RAB1A: variants seen among roughly 807,000 people sequenced by gnomAD.
RAB1A encodes the protein ras-related protein Rab-1A.
RAB1A carries 2 observed loss-of-function variants against 26.0 expected under a neutral mutation model. The ratio of observed to expected loss-of-function variants is 0.08; its 90% CI spans 0.03 to 0.24. The LOEUF (loss-of-function observed/expected upper bound fraction) is 0.24. Ranked by LOEUF, RAB1A falls within the 10% of genes least tolerant of loss-of-function variation. The probability of loss-of-function intolerance (pLI) is 1.00; values close to 1 mark genes in which losing one functional copy is unlikely to be tolerated. For synonymous variants in RAB1A, 84 were observed against 84.9 expected, an observed-to-expected ratio of 0.99 and a Z score of 0.06; for missense variants, 100 against 247.0, an observed-to-expected ratio of 0.40 and a Z score of 3.99.
At chr2:65,106,579 A>G (rs1669566145) in intron 1 of RAB1A, among the ~76,000 whole-genome samples, 1 of 150,166 alleles carries the variant, frequency 6.7e-6, no homozygotes, top group African/African-American at 2.4e-5. Context: ...GTCTTTAATT[A>G]TATATGAGGA....
chr2:65,109,145 T>C (rs1191866546), intron 1 of RAB1A, among the ~76,000 whole-genome samples: 1 of 152,224 alleles, frequency 6.6e-6, no homozygotes, highest in Non-Finnish European at 1.5e-5. Context: ...TCGTGAGAAT[T>C]CATTGTTCTG....
chr2:65,097,912 C>T, intron 3 of RAB1A, 59 bp downstream of exon 3: 1 of 956,110 alleles, frequency 1.0e-6, no homozygotes, highest in Non-Finnish European at 1.6e-6. Context: ...TACAAAATAA[C>T]AATACATTAC....
chr2:65,103,903 C>T (rs943656352), intron 2 of RAB1A, among the ~76,000 whole-genome samples: 1 of 152,038 alleles, frequency 6.6e-6, no homozygotes, highest in African/African-American at 2.4e-5. Context: ...CTCAGCCTCC[C>T]GAGTAGCTGG....
chr2:65,095,368 G>T (rs1669259168), intron 3 of RAB1A, among the ~76,000 whole-genome samples: 1 of 151,958 alleles, frequency 6.6e-6, no homozygotes, highest in African/African-American at 2.4e-5. Flanking sequence ...TTGTTTTTGA[G>T]ACAGGGTCTC....
chr2:65,104,485 A>T (rs1157228599), intron 2 of RAB1A, among the ~76,000 whole-genome samples: 1 of 152,074 alleles, frequency 6.6e-6, no homozygotes, highest in Non-Finnish European at 1.5e-5. Flanking sequence ...CTGCTGTTTG[A>T]CTCTGACCAA....
At chr2:65,114,846 C>T (rs962751179) in intron 1 of RAB1A, among the ~76,000 whole-genome samples, 3 of 112,772 alleles carry the variant, frequency 2.7e-5, no homozygotes, top group Non-Finnish European at 3.6e-5. Context: ...AGCGAGACTC[C>T]GTCTCAAAAA....
intron 1 of RAB1A, among the ~76,000 whole-genome samples, chr2:65,129,666 C>A (rs1024615688): frequency 2.6e-5 from 4 of 152,044 alleles, no homozygotes; most frequent in South Asian, 4.2e-4. Context: ...TAACCTGACC[C>A]GGTCCAGGCC....
chr2:65,092,915 T>C (rs28587286), intron 3 of RAB1A, among the ~76,000 whole-genome samples: 3,461 of 152,302 alleles, frequency 0.023, 138 homozygotes, highest in African/African-American at 0.079. Flanking sequence ...GATGGTCTCA[T>C]AAGGGGCTCT....
chr2:65,118,161 T>C (rs1200583244), intron 1 of RAB1A, among the ~76,000 whole-genome samples: 2 of 152,192 alleles, frequency 1.3e-5, no homozygotes, highest in Non-Finnish European at 2.9e-5. Flanking sequence ...TCAAGTGTTC[T>C]GGAGTCCTTC....
intron 1 of RAB1A, among the ~76,000 whole-genome samples, chr2:65,119,325 G>A (rs1669898649): frequency 6.6e-6 from 1 of 152,092 alleles, no homozygotes; most frequent in African/African-American, 2.4e-5. Context: ...GGTCAACATG[G>A]TGAAACCCAG....
intron 1 of RAB1A, among the ~76,000 whole-genome samples, chr2:65,117,925 T>C (rs951807618): frequency 6.6e-6 from 1 of 152,246 alleles, no homozygotes; most frequent in East Asian, 1.9e-4. Context: ...AACAGCCTAT[T>C]TGTTGTAGTG....
intron 3 of RAB1A, among the ~76,000 whole-genome samples, chr2:65,096,563 A>G (rs1257416913): frequency 6.6e-6 from 1 of 152,190 alleles, no homozygotes; most frequent in Non-Finnish European, 1.5e-5. Context: ...TTTTGGGTAG[A>G]TCTTTATGTG....
chr2:65,089,929 C>T (rs917298720), intron 4 of RAB1A, among the ~76,000 whole-genome samples: 5 of 152,200 alleles, frequency 3.3e-5, no homozygotes, highest in Non-Finnish European at 7.3e-5. Flanking sequence ...TCTCTAACTC[C>T]TGACCTCAGG....
chr2:65,108,738 G>A (rs540168702), intron 1 of RAB1A, among the ~76,000 whole-genome samples: 4 of 152,170 alleles, frequency 2.6e-5, no homozygotes, highest in East Asian at 3.9e-4. Context: ...CCCGAGAGGC[G>A]GAGGTTGCAG....
intron 1 of RAB1A, among the ~76,000 whole-genome samples, chr2:65,110,785 A>T (rs1223834207): frequency 2.0e-5 from 3 of 151,648 alleles, no homozygotes; most frequent in African/African-American, 7.3e-5. Flanking sequence ...TATTTTTTTT[A>T]ATTAGCTGGG....
intron 1 of RAB1A, among the ~76,000 whole-genome samples, chr2:65,113,162 C>T (rs1227378347): frequency 6.6e-6 from 1 of 152,194 alleles, no homozygotes; most frequent in Non-Finnish European, 1.5e-5. Context: ...AATTACAAAT[C>T]AGCAAGAGGG....
chr2:65,124,415 T>A (rs966300969), intron 1 of RAB1A, among the ~76,000 whole-genome samples: 3 of 151,248 alleles, frequency 2.0e-5, no homozygotes, highest in South Asian at 2.2e-4. Context: ...TACAAAAAAA[T>A]TTTTAATGTG....
intron 2 of RAB1A, among the ~76,000 whole-genome samples, chr2:65,101,813 GATCTCGACTCACCACA>G (rs1461051893): frequency 7.2e-6 from 1 of 139,274 alleles, no homozygotes; most frequent in Non-Finnish European, 1.5e-5. Flanking sequence ...GCAATGGTGC[GATCTCGACTCACCACA>G]ACCTCCGCCT....
chr2:65,103,789 C>A lies in RAB1A; in HGVS notation c.96+945G>T, dbSNP rs114597195. 7.8e-3 allele frequency among the ~76,000 whole-genome samples: 1,155 copies of A among 147,958 alleles called. 6 individuals carry two copies. The highest frequency in any genetic ancestry group is 0.013 in the Non-Finnish European group (861 of 66,740). On this transcript the variant is annotated intron_variant, in intron 2 of 5. Transcript: ENST00000409784. Reference sequence around the variant, plus strand: ...GCTAATTTGTTTTTTTATTTTTTTTCTTTTTTTTTTGAGACAGTCTTGCTC... The same window carrying A: ...GCTAATTTGTTTTTTTATTTTTTTTATTTTTTTTTTGAGACAGTCTTGCTC...
Sources: allele counts gnomAD v4.1 joint callset (sites outside exome capture counted in the v4.1 genomes callset), GRCh38; gene constraint gnomAD v4.1.1; transcripts MANE v1.5; gene names NCBI Gene and HGNC (gene_info 2026-07-23, HGNC 2026-07-21).